The following PTK2B variants were observed in gnomAD, a reference collection of about 807,000 sequenced individuals.
PTK2B encodes the protein protein-tyrosine kinase 2-beta.
Under a neutral mutation model 142.9 loss-of-function variants are expected in PTK2B, and 71 were observed. The ratio of observed to expected loss-of-function variants is 0.50; its 90% CI spans 0.41 to 0.61. PTK2B has a LOEUF of 0.61. PTK2B is among the 20% of genes least tolerant of loss of function. The pLI is 0.00. For synonymous variants in PTK2B, 519 were observed against 503.4 expected, an observed-to-expected ratio of 1.03 and a Z score of -0.42; for missense variants, 1,105 against 1,320.4, an observed-to-expected ratio of 0.84 and a Z score of 2.53.
intron 2 of PTK2B, among the ~76,000 whole-genome samples, chr8:27,412,805 T>A (rs903769857): frequency 5.3e-5 from 8 of 151,914 alleles, no homozygotes; most frequent in Non-Finnish European, 8.8e-5. Context: ...GAAAAAAAAA[T>A]TTTGTGCAAG....
At position 27,458,842 on chromosome 8, in the gene PTK2B, T is replaced by C; in HGVS notation, c.*333T>C. 1 of 436,946 alleles carries C rather than the reference T, an allele frequency of 2.3e-6. No homozygotes were observed. The highest frequency in any genetic ancestry group is 4.2e-6 in the Non-Finnish European group (1 of 238,454). 27.1% of individuals were successfully genotyped at this position (436,946 alleles called of 1,614,324 possible). ...GGAGGTGTCACATGGTGCCCCTAGC[T>C]TTATATATGGACATGGCAGGCCGAT... is the stretch of plus-strand genomic sequence containing the variant. On this transcript the variant is annotated 3_prime_UTR_variant, in exon 31 of 31. Transcript: ENST00000346049.
At chr8:27,311,577 A>G (rs1002499916) in exon 1 of PTK2B, 13 of 340,604 alleles carry the variant, frequency 3.8e-5, no homozygotes, top group Admixed American at 9.6e-5. Flanking sequence ...GTTACTGGAA[A>G]CCTACTTCCG....
In PTK2B at chr8:27,451,065, A is replaced by C; in HGVS notation, c.2510A>C (p.Asp837Ala). ...CAGGACCCCATGGTTTATATGAATG[A>C]TAAGTCCCCATTGGTGAGTTGCCAG... ...KSLDPMVYMNDKSPLTPEKEV... is the reference protein window; with the variant it reads ...KSLDPMVYMNAKSPLTPEKEV... Residue 837 changes from aspartate (D) to alanine (A), a missense_variant, in exon 26 of 31, where the codon GAT becomes GCT. Asp to Ala is a moderately radical substitution (Grantham distance 126). Transcript: ENST00000346049. The C allele has an allele frequency of 6.2e-7, 1 of 1,612,852 alleles. No individual in the cohort carries two copies. The highest frequency in any genetic ancestry group is 8.5e-7 in the Non-Finnish European group (1 of 1,178,826).
At chr8:27,444,559 C>G (rs912431079) in intron 23 of PTK2B, among the ~76,000 whole-genome samples, 1 of 152,208 alleles carries the variant, frequency 6.6e-6, no homozygotes, top group South Asian at 2.1e-4. Context: ...CATCTAAGGC[C>G]TCCCTGGCCT....
chr8:27,405,035 C>CCAATCTCTCTCTCTCTCTCTCT (rs1808620966), intron 2 of PTK2B, among the ~76,000 whole-genome samples: 1 of 119,570 alleles, frequency 8.4e-6, no homozygotes, highest in African/African-American at 3.5e-5. Context: ...TCTTTCTCTT[C>CCAATCTCTCTCTCTCTCTCTCT]CTCTCTCTCT....
chr8:27,331,911 T>C (rs978206103), intron 1 of PTK2B, among the ~76,000 whole-genome samples: 1 of 152,202 alleles, frequency 6.6e-6, no homozygotes, highest in African/African-American at 2.4e-5. Flanking sequence ...CCAACCCCTC[T>C]CACCCAGCTC....
At chr8:27,322,138 A>C (rs1803232429), upstream of PTK2B, among the ~76,000 whole-genome samples, 1 of 152,140 alleles carries the variant, frequency 6.6e-6, no homozygotes, top group Non-Finnish European at 1.5e-5. Flanking sequence ...CTACAGGCAT[A>C]CACCACTATG....
chr8:27,343,909 A>G (rs1804561238), intron 1 of PTK2B, among the ~76,000 whole-genome samples: 1 of 152,172 alleles, frequency 6.6e-6, no homozygotes, highest in South Asian at 2.1e-4. Context: ...AGGCTGAGGC[A>G]GGAGAATGGT....
intron 1 of PTK2B, among the ~76,000 whole-genome samples, chr8:27,396,972 C>T (rs1230573578): frequency 2.0e-5 from 3 of 152,216 alleles, no homozygotes; most frequent in African/African-American, 7.2e-5. Flanking sequence ...GGAAGCCTCC[C>T]ACCCTGAAAG....
chr8:27,353,065 A>G (rs893344401), intron 1 of PTK2B, among the ~76,000 whole-genome samples: 3 of 152,214 alleles, frequency 2.0e-5, no homozygotes, highest in Admixed American at 1.3e-4. Context: ...CACCTAAAGG[A>G]TACAGAGAAG....
chr8:27,410,014 G>T (rs1808961033), intron 2 of PTK2B, among the ~76,000 whole-genome samples: 1 of 152,210 alleles, frequency 6.6e-6, no homozygotes, highest in African/African-American at 2.4e-5. Context: ...GAGCCACCAT[G>T]CCTGGCCTAA....
At chr8:27,369,273 A>C (rs755951) in intron 1 of PTK2B, among the ~76,000 whole-genome samples, 64,547 of 151,802 alleles carry the variant, frequency 0.43, 14,230 homozygotes, top group South Asian at 0.52. Flanking sequence ...CTTCACTGGC[A>C]TGTAGGGGGA....
At chr8:27,443,366 C>T (rs1811277963) in intron 22 of PTK2B, among the ~76,000 whole-genome samples, 1 of 152,204 alleles carries the variant, frequency 6.6e-6, no homozygotes, top group African/African-American at 2.4e-5. Context: ...GGAGCCAGGG[C>T]CCTGCTGCCA....
At chr8:27,355,239 A>G (rs1586148620) in intron 1 of PTK2B, among the ~76,000 whole-genome samples, 1 of 152,212 alleles carries the variant, frequency 6.6e-6, no homozygotes, top group South Asian at 2.1e-4. Context: ...TAATGTTATC[A>G]CAAGGGTCCT....
chr8:27,440,513 G>A lies in PTK2B; in HGVS notation c.2039+72G>A, dbSNP rs372572109. 124 of 1,530,106 alleles carry A rather than the reference G, an allele frequency of 8.1e-5. 1 individual carries two copies. In the African/African-American group the frequency reaches 1.6e-3, roughly 19 times the overall value. The allele number at this position is 1,530,106 out of a possible 1,614,324, so 94.8% of individuals were successfully genotyped here. ...CCAGGGAGCAAGACCAGCACACAGA[G>A]AGGTTTGCACCACATCTCCCTAAAG... On this transcript the variant is annotated intron_variant, in intron 21 of 30. Transcript: ENST00000346049.
rs145866056 is a variant in PTK2B at position 27,435,100 on chromosome 8, G to A, written c.1192+541G>A. Reference sequence around the variant, plus strand: ...CATAACAAAATACTATAGACTGGGTGGCTTAAAACCAGATACTTTATTGCT... The same window carrying A: ...CATAACAAAATACTATAGACTGGGTAGCTTAAAACCAGATACTTTATTGCT... On this transcript the variant is annotated intron_variant, in intron 13 of 30. Coordinates refer to ENST00000346049, the MANE Select transcript of PTK2B (RefSeq NM_173176.3). Among the ~76,000 whole-genome samples, 4 of 152,328 alleles carry A rather than the reference G, an allele frequency of 2.6e-5. No homozygotes were observed. In the East Asian group the frequency reaches 5.8e-4, roughly 22 times the overall value.
Position 27,381,068 on chromosome 8 carries a change from C to T in PTK2B, c.-37-16480C>T, listed in dbSNP as rs1456580951. Among the ~76,000 whole-genome samples the T allele has an allele frequency of 2.6e-5, 4 of 152,154 alleles. No homozygotes were observed. In the South Asian group the frequency reaches 6.2e-4, roughly 24 times the overall value. ...ATTTTAGTAATTTTTTAAATTTATG[C>T]ATAATAACTGTACATATTTATGGGG... On this transcript the variant is annotated intron_variant, in intron 1 of 30. Coordinates refer to ENST00000346049, the MANE Select transcript of PTK2B (RefSeq NM_173176.3).
rs769058833 is a variant in PTK2B, at chr8:27,451,020, C to T, written c.2488-23C>T. ...TTCAGCTCCAGAATTCTTAGTCCTTCGCTCTTGTTTCTTCCTCTGCAGGAC... is the reference window on the plus strand; with the variant it reads ...TTCAGCTCCAGAATTCTTAGTCCTTTGCTCTTGTTTCTTCCTCTGCAGGAC... On this transcript the variant is annotated intron_variant, in intron 25 of 30. Coordinates refer to ENST00000346049, the MANE Select transcript of PTK2B (RefSeq NM_173176.3). 8.7e-6 allele frequency: 14 copies of T among 1,611,492 alleles called. 1 individual carries two copies. Among genetic ancestry groups the T allele is most frequent in the African/African-American group, 2.7e-5 (2 of 74,850 alleles).
At position 27,432,830 on chromosome 8, in the gene PTK2B, T is replaced by C. The variant is rs1810524552; in HGVS notation, c.987+469T>C. On this transcript the variant is annotated intron_variant, in intron 10 of 30. Transcript: ENST00000346049. Reference sequence around the variant, plus strand: ...ATTGCCTCCCCTTCCTCTTTCTTTCTTTCTTTCTTTTTTTTAGACAAAGTC... The same window carrying C: ...ATTGCCTCCCCTTCCTCTTTCTTTCCTTCTTTCTTTTTTTTAGACAAAGTC... Among the ~76,000 whole-genome samples, 3 of 152,208 alleles carry C rather than the reference T, an allele frequency of 2.0e-5. No homozygotes were observed. The South Asian group carries it at 6.2e-4, about 32-fold the overall frequency.
Sources: gnomAD v4.1 joint callset for allele counts (sites outside exome capture counted in the v4.1 genomes callset) on GRCh38, gnomAD v4.1.1 for gene constraint, MANE v1.5 for transcripts, NCBI Gene and HGNC (gene_info 2026-07-23, HGNC 2026-07-21) for gene names.